GLI2: variants seen among roughly 807,000 people sequenced by gnomAD.
GLI2 encodes the protein transcription activator GLI2.
A neutral mutation model predicts 78.9 loss-of-function variants in GLI2; 22 were observed. That is an observed-to-expected ratio of 0.28 (90% CI 0.20 to 0.40). The LOEUF is 0.40. GLI2 is among the 10% of genes least tolerant of loss of function. The probability of loss-of-function intolerance (pLI) is 1.00; values close to 1 mark genes in which losing one functional copy is unlikely to be tolerated. For synonymous variants in GLI2, 974 were observed against 963.7 expected, an observed-to-expected ratio of 1.01 and a Z score of -0.20; for missense variants, 2,097 against 2,213.2, an observed-to-expected ratio of 0.95 and a Z score of 1.05.
In GLI2 at chr2:120,955,352, C is replaced by T. The variant is rs1161429205; in HGVS notation, c.565C>T (p.Pro189Ser). 6.2e-7 allele frequency: 1 copy of T among 1,612,890 alleles called. No individual in the cohort carries two copies. The highest frequency in any genetic ancestry group is 1.3e-5 in the African/African-American group (1 of 74,992). ...GACCCTCGTGGCAGGCCACCCCGCG[C>T]CCTACGGGGACCTGCTGATGCAGAG... ...QMTLVAGHPA[P>S]YGDLLMQSGG... The change falls in exon 5 of 14, where the codon CCC becomes TCC. Residue 189 changes from proline to serine, a missense_variant. Pro to Ser is a moderately conservative substitution (Grantham distance 74). Transcript: ENST00000361492.
At position 120,822,057 on chromosome 2, in the gene GLI2, G is replaced by T. The variant is rs61300780; in HGVS notation, c.148+24589G>T. On this transcript the variant is annotated intron_variant, in intron 2 of 13. Coordinates refer to ENST00000361492, the MANE Select transcript of GLI2 (RefSeq NM_001374353.1). ...AGGCTGTGGTGGCTAAGACCGGGCG[G>T]TGGGCCGAGTTCATGTTCCTGCTAT... is the stretch of plus-strand genomic sequence containing the variant. Among the ~76,000 whole-genome samples, 1,058 of 152,354 alleles carry T rather than the reference G, an allele frequency of 6.9e-3. 14 individuals are homozygous for T. Among genetic ancestry groups the T allele is most frequent in the African/African-American group, 0.024 (1,013 of 41,574 alleles).
At chr2:120,938,074 G>A (rs948165141) in intron 3 of GLI2, among the ~76,000 whole-genome samples, 1 of 152,202 alleles carries the variant, frequency 6.6e-6, no homozygotes, top group African/African-American at 2.4e-5. Flanking sequence ...TGGTTCAGCA[G>A]TGCTCAGCCC....
intron 2 of GLI2, among the ~76,000 whole-genome samples, chr2:120,823,650 C>T (rs535273181): frequency 2.6e-5 from 4 of 152,296 alleles, no homozygotes; most frequent in South Asian, 4.1e-4. Flanking sequence ...AGGCAGGGAT[C>T]GGAATCCTTC....
chr2:120,889,619 C>T (rs1213458861), intron 2 of GLI2, among the ~76,000 whole-genome samples: 1 of 151,902 alleles, frequency 6.6e-6, no homozygotes, highest in African/African-American at 2.4e-5. Context: ...AATATGTACT[C>T]AAAACTCAAC....
intron 2 of GLI2, among the ~76,000 whole-genome samples, chr2:120,808,504 A>G (rs1354564429): frequency 5.9e-5 from 9 of 152,214 alleles, no homozygotes; most frequent in Admixed American, 5.9e-4. Context: ...GAAGAGGGTC[A>G]GGGAGGGAAG....
Position 120,753,559 on chromosome 2 carries a change from AGT to A in GLI2, c.-31+17277_-31+17278del, listed in dbSNP as rs1414850333. Among the ~76,000 whole-genome samples the A allele has an allele frequency of 3.3e-5, 5 of 151,866 alleles. No homozygotes were observed. The East Asian group carries it at 9.7e-4, about 29-fold the overall frequency. On this transcript the variant is annotated intron_variant, in intron 1 of 13. Coordinates refer to ENST00000361492, the MANE Select transcript of GLI2 (RefSeq NM_001374353.1). ...TGTGTTTCTTAGCAATTTTTCCGTCAGTGTCTTTGTTTTTTCTTAAAGATTTG... is the reference window on the plus strand; with the variant it reads ...TGTGTTTCTTAGCAATTTTTCCGTCAGTCTTTGTTTTTTCTTAAAGATTTG...
At chr2:120,978,408 C>T in intron 9 of GLI2, 26 bp from the exon 10 acceptor site, 1 of 1,613,954 alleles carries the variant, frequency 6.2e-7, no homozygotes, top group Non-Finnish European at 8.5e-7. Context: ...CCTGCTTACC[C>T]TCTTCTGGGC....
At chr2:120,807,499 A>T (rs1020147311) in intron 2 of GLI2, among the ~76,000 whole-genome samples, 14 of 152,200 alleles carry the variant, frequency 9.2e-5, no homozygotes, top group African/African-American at 3.4e-4. Flanking sequence ...CGTTCCTTAA[A>T]AATATTTGAG....
At chr2:120,937,099 C>G (rs578125423) in intron 3 of GLI2, among the ~76,000 whole-genome samples, 5 of 152,170 alleles carry the variant, frequency 3.3e-5, no homozygotes, top group Middle Eastern at 3.2e-3. Context: ...GCTGCCCAAA[C>G]AAAGTAGCAA....
Position 120,769,120 on chromosome 2 carries a change from A to G in GLI2, c.-30-28171A>G, listed in dbSNP as rs188314614. Among the ~76,000 whole-genome samples, 16 of 152,248 alleles carry G rather than the reference A, an allele frequency of 1.1e-4. No individual in the cohort carries two copies. The East Asian group carries it at 3.1e-3, about 29-fold the overall frequency. On this transcript the variant is annotated intron_variant, in intron 1 of 13. Coordinates refer to ENST00000361492, the MANE Select transcript of GLI2 (RefSeq NM_001374353.1). ...TGACAGGAAGTAGCTCCTTCCTCCC[A>G]AAGAGCACCGCTCACCTCCAGAATC...
intron 3 of GLI2, among the ~76,000 whole-genome samples, chr2:120,930,558 C>G (rs888269299): frequency 6.6e-6 from 1 of 152,238 alleles, no homozygotes; most frequent in African/African-American, 2.4e-5. Flanking sequence ...CTCGGCCCTT[C>G]GTTAGGGCAC....
chr2:120,788,999 C>G (rs1423577116), intron 1 of GLI2, among the ~76,000 whole-genome samples: 1 of 152,008 alleles, frequency 6.6e-6, no homozygotes, highest in Non-Finnish European at 1.5e-5. Flanking sequence ...CTATGGTTCC[C>G]CTTCAATCTG....
chr2:120,769,130 G>T (rs945727567), intron 1 of GLI2, among the ~76,000 whole-genome samples: 5 of 152,162 alleles, frequency 3.3e-5, no homozygotes, highest in Non-Finnish European at 5.9e-5. Flanking sequence ...AAAGAGCACC[G>T]CTCACCTCCA....
intron 2 of GLI2, among the ~76,000 whole-genome samples, chr2:120,923,334 A>G (rs1679487269): frequency 1.3e-5 from 1 of 74,408 alleles, no homozygotes; most frequent in African/African-American, 4.2e-5. Flanking sequence ...ACACATGCAC[A>G]TAAACACGGC....
intron 5 of GLI2, among the ~76,000 whole-genome samples, chr2:120,968,283 A>G (rs1376932680): frequency 6.6e-6 from 1 of 152,180 alleles, no homozygotes; most frequent in African/African-American, 2.4e-5. Flanking sequence ...GGGCCTGTGG[A>G]CAATGGCCAA....
chr2:120,847,560 G>A (rs1046474726), intron 2 of GLI2, among the ~76,000 whole-genome samples: 4 of 152,002 alleles, frequency 2.6e-5, no homozygotes, highest in South Asian at 4.2e-4. Context: ...ATGGAAGGAA[G>A]CGGAGCAATG....
chr2:120,942,480 A>T (rs777987688), intron 3 of GLI2, among the ~76,000 whole-genome samples: 1 of 152,192 alleles, frequency 6.6e-6, no homozygotes, highest in African/African-American at 2.4e-5. Flanking sequence ...CCATGATGGC[A>T]TGTAGGGCCC....
At chr2:120,871,075 T>C (rs1688404368) in intron 2 of GLI2, among the ~76,000 whole-genome samples, 1 of 152,182 alleles carries the variant, frequency 6.6e-6, no homozygotes, top group Non-Finnish European at 1.5e-5. Flanking sequence ...GTGCATGAAA[T>C]ATTATGGTAA....
chr2:120,896,736 C>G (rs918500307), intron 2 of GLI2, among the ~76,000 whole-genome samples: 11 of 143,042 alleles, frequency 7.7e-5, no homozygotes, highest in African/African-American at 2.9e-4. Context: ...CACACACACA[C>G]AGCCTTCTTC....
Sources: gnomAD v4.1 joint callset for allele counts (sites outside exome capture counted in the v4.1 genomes callset) on GRCh38, gnomAD v4.1.1 for gene constraint, MANE v1.5 for transcripts, NCBI Gene and HGNC (gene_info 2026-07-23, HGNC 2026-07-21) for gene names.